Variants in CHID1 observed in about 807,000 individuals in gnomAD.
CHID1 encodes chitinase domain containing 1, also known as chitinase domain-containing protein 1.
A neutral mutation model predicts 55.4 loss-of-function variants in CHID1; 44 were observed. That is an observed-to-expected ratio of 0.79 (90% confidence interval 0.62 to 1.02). CHID1 has a LOEUF of 1.02. Among genes scored for constraint, CHID1 ranks in the 50% least tolerant of loss-of-function variants. CHID1 has a pLI of 0.00. For synonymous variants in CHID1, 216 were observed against 212.9 expected (o/e 1.01, Z -0.13); for missense variants, 491 against 515.3 (o/e 0.95, Z 0.46).
intron 10 of CHID1, among the ~76,000 whole-genome samples, chr11:878,797 G>A (rs973452234): frequency 8.6e-5 from 13 of 151,590 alleles, no homozygotes; most frequent in Admixed American, 2.0e-4. Flanking sequence ...TGCCTCCCGG[G>A]TCCAAGTGAT....
chr11:905,722 T>C (rs1852163933), intron 1 of CHID1, among the ~76,000 whole-genome samples: 1 of 151,224 alleles, frequency 6.6e-6, no homozygotes, highest in African/African-American at 2.4e-5. Flanking sequence ...ATAATAACGA[T>C]GATGGTGGTG....
At chr11:888,845 C>T (rs1297580646) in intron 8 of CHID1, among the ~76,000 whole-genome samples, 1 of 152,066 alleles carries the variant, frequency 6.6e-6, no homozygotes, top group Non-Finnish European at 1.5e-5. Flanking sequence ...CCAGTGCCTG[C>T]CCACTCGGCC....
chr11:901,282 G>A (rs1257497245), intron 4 of CHID1, among the ~76,000 whole-genome samples: 1 of 152,176 alleles, frequency 6.6e-6, no homozygotes, highest in African/African-American at 2.4e-5. Context: ...ACAGGCAGCT[G>A]CATCCTAGGG....
intron 1 of CHID1, among the ~76,000 whole-genome samples, chr11:905,711 G>T (rs1459439907): frequency 6.6e-6 from 1 of 151,932 alleles, no homozygotes; most frequent in African/African-American, 2.4e-5. Flanking sequence ...AGAAGCCTAC[G>T]ATAATAACGA....
intron 8 of CHID1, among the ~76,000 whole-genome samples, chr11:884,820 C>T (rs1850272741): frequency 6.6e-6 from 1 of 152,226 alleles, no homozygotes; most frequent in African/African-American, 2.4e-5. Context: ...AGGAAGCGGC[C>T]CTGTTCTGTC....
intron 10 of CHID1, among the ~76,000 whole-genome samples, chr11:879,820 T>C (rs1312528914): frequency 6.6e-6 from 1 of 152,222 alleles, no homozygotes; most frequent in Non-Finnish European, 1.5e-5. Context: ...GGGAGGCCTC[T>C]TGCTTTGCAC....
intron 4 of CHID1, 127 bp from the exon 5 acceptor site, chr11:901,107 T>G (rs1589889864): frequency 1.3e-6 from 1 of 767,244 alleles, no homozygotes; most frequent in Non-Finnish European, 2.0e-6. Context: ...GGCAGGCAGG[T>G]GTGAGAACCC....
intron 2 of CHID1, chr11:903,860 T>G (rs889892517): frequency 2.4e-5 from 4 of 164,390 alleles, no homozygotes; most frequent in African/African-American, 8.4e-5. Context: ...CCCGCCAACG[T>G]GACCCTGCTG....
rs557972476 is a variant in CHID1 at position 885,553 on chromosome 11, T to G, written c.702-1384A>C. On this transcript the variant is annotated intron_variant, in intron 8 of 12. Coordinates refer to ENST00000323578, the MANE Select transcript of CHID1 (RefSeq NM_023947.4). ...CCTCCCCAGATCCCCGACAAACACC[T>G]CCCAGCACTATGCCCATCACTCCCG... 2.1e-4 allele frequency among the ~76,000 whole-genome samples: 32 copies of G among 151,738 alleles called. 1 individual carries two copies. The South Asian group carries it at 6.7e-3, about 32-fold the overall frequency.
chr11:904,368 G>C (rs775831396), intron 2 of CHID1, among the ~76,000 whole-genome samples: 16 of 152,196 alleles, frequency 1.1e-4, no homozygotes, highest in Admixed American at 2.0e-4. Flanking sequence ...TCAAGGCCAT[G>C]ATAAAGACAG....
chr11:891,104 T>A (rs998623066), intron 8 of CHID1, among the ~76,000 whole-genome samples: 6 of 144,156 alleles, frequency 4.2e-5, no homozygotes, highest in African/African-American at 1.3e-4. Context: ...GGGGGAAGGA[T>A]AAACAGATGA....
intron 4 of CHID1, 84 bp downstream of exon 4, chr11:902,114 A>C: frequency 6.6e-7 from 1 of 1,513,240 alleles, no homozygotes; most frequent in Admixed American, 1.7e-5. Context: ...AGACATACCT[A>C]CTCACACACA....
intron 10 of CHID1, among the ~76,000 whole-genome samples, chr11:872,706 T>G (rs118183929): frequency 4.6e-5 from 7 of 152,234 alleles, no homozygotes; most frequent in Admixed American, 1.3e-4. Flanking sequence ...ACTCAAGGTG[T>G]TGTTGGTGTA....
At chr11:883,068 C>A in intron 10 of CHID1, 80 bp downstream of exon 10, 1 of 1,441,338 alleles carries the variant, frequency 6.9e-7, no homozygotes, top group Non-Finnish European at 9.5e-7. Context: ...GAGACCCTCC[C>A]CATCACTCTG....
At chr11:914,753 G>T (rs994157875), upstream of CHID1, 24 of 343,386 alleles carry the variant, frequency 7.0e-5, no homozygotes, top group Non-Finnish European at 1.2e-4. Context: ...ACACCTGGTT[G>T]TTGGAGGTGC....
In CHID1 at chr11:883,232, C is replaced by T. The variant is rs758172690; in HGVS notation, c.875G>A (p.Arg292Gln). ...GTTGAGCCCCAGGAGGATTTTGCTTCGCCACTTGGACTTCGGGTCCAGGAC... is the reference window on the plus strand; with the variant it reads ...GTTGAGCCCCAGGAGGATTTTGCTTTGCCACTTGGACTTCGGGTCCAGGAC... ...VQVLDPKSKW[R>Q]SKILLGLNFY... is the part of the protein sequence containing the mutation. Residue 292 changes from arginine (R) to glutamine (Q), a missense_variant, in exon 10 of 13, where the codon CGA becomes CAA. Physicochemically the swap from Arg to Gln is conservative, Grantham distance 43. Transcript: ENST00000323578. 10 of 1,614,192 alleles carry T rather than the reference C, an allele frequency of 6.2e-6. No individual in the cohort carries two copies. The highest frequency in any genetic ancestry group is 5.5e-5 in the South Asian group (5 of 91,084).
At chr11:886,773 C>A (rs1850433647) in intron 8 of CHID1, among the ~76,000 whole-genome samples, 1 of 152,210 alleles carries the variant, frequency 6.6e-6, no homozygotes, top group South Asian at 2.1e-4. Context: ...ACACAGAGCC[C>A]CCCAGCTCAC....
chr11:905,170 A>G (rs1376678512), intron 1 of CHID1, among the ~76,000 whole-genome samples: 1 of 152,230 alleles, frequency 6.6e-6, no homozygotes, highest in Non-Finnish European at 1.5e-5. Flanking sequence ...GGCAATCTAG[A>G]AAAGCATTGG....
At chr11:902,418 G>A in intron 3 of CHID1, 88 bp from the exon 4 acceptor site, 1 of 1,489,838 alleles carries the variant, frequency 6.7e-7, no homozygotes, top group East Asian at 2.3e-5. Flanking sequence ...CTCTGGACGT[G>A]CCCAGGGCTG....
Sources: allele counts gnomAD v4.1 joint callset (sites outside exome capture counted in the v4.1 genomes callset), GRCh38; gene constraint gnomAD v4.1.1; transcripts MANE v1.5; gene names NCBI Gene and HGNC (gene_info 2026-07-23, HGNC 2026-07-21).